ALMS1: variants seen among roughly 807,000 people sequenced by gnomAD.
ALMS1 encodes ALMS1 centrosome and basal body associated protein, also known as centrosome-associated protein ALMS1.
ALMS1 carries 271 observed loss-of-function variants against 352.2 expected under a neutral mutation model. The ratio of observed to expected loss-of-function variants is 0.77; its 90% CI spans 0.70 to 0.85. The LOEUF (loss-of-function observed/expected upper bound fraction) is 0.85, where lower values mean the gene tolerates loss of function less well. Among genes scored for constraint, ALMS1 ranks in the 40% least tolerant of loss-of-function variants. The pLI is 0.00. For missense variants in ALMS1, 5,445 were observed against 4,870.7 expected (o/e 1.12, Z -3.51); for synonymous variants, 1,865 against 1,761.2 (o/e 1.06, Z -1.48).
Position 73,491,202 on chromosome 2 carries a change from T to A in ALMS1, c.9243T>A (p.Ser3081Arg). Residue 3081 changes from serine to arginine, a missense_variant, in exon 10 of 23, where the codon AGT becomes AGA. By Grantham distance (110) the Ser-to-Arg change is moderately radical. Transcript: ENST00000613296. ...CTGCTTCTAAAGCGAGGATGAATAG[T>A]GAGTTTAACTTTGACTTACATACTG... Reference protein sequence around the residue: ...LDAASKARMNSEFNFDLHTVS... With the variant: ...LDAASKARMNREFNFDLHTVS... The A allele has an allele frequency of 6.2e-7, 1 of 1,614,170 alleles. No individual in the cohort carries two copies. Among genetic ancestry groups the A allele is most frequent in the Non-Finnish European group, 8.5e-7 (1 of 1,180,016 alleles).
intron 13 of ALMS1, among the ~76,000 whole-genome samples, chr2:73,555,087 T>C (rs569875831): frequency 2.2e-4 from 34 of 152,312 alleles, no homozygotes; most frequent in African/African-American, 7.2e-4. Context: ...CTAAATTAAA[T>C]GCATTGCTAC....
intron 3 of ALMS1, among the ~76,000 whole-genome samples, chr2:73,420,219 A>G (rs1558637526): frequency 6.6e-6 from 1 of 152,104 alleles, no homozygotes; most frequent in Non-Finnish European, 1.5e-5. Context: ...TATGTGTTTG[A>G]TGCTAGGGGT....
chr2:73,605,747 G>A (rs759997754), intron 21 of ALMS1, among the ~76,000 whole-genome samples: 3 of 152,058 alleles, frequency 2.0e-5, no homozygotes, highest in Non-Finnish European at 2.9e-5. Context: ...GGAGGCTGAG[G>A]CAGGAGAATT....
At chr2:73,534,264 A>G (rs1558684187) in intron 11 of ALMS1, among the ~76,000 whole-genome samples, 1 of 152,064 alleles carries the variant, frequency 6.6e-6, no homozygotes, top group Non-Finnish European at 1.5e-5. Context: ...ACGTTTATAT[A>G]TTTTCTTAAT....
In ALMS1 at chr2:73,449,970, G is replaced by C. The variant is rs2103778975; in HGVS notation, c.3443G>C (p.Arg1148Thr). ...TVTSTSYSQH[R>T]EKPSIFHQQA... ...ACCTCAACTTCCTACTCACAACATA[G>C]AGAAAAGCCCAGCATTTTCCACCAG... Residue 1148 changes from arginine to threonine, a missense_variant, in exon 8 of 23, where the codon AGA becomes ACA. Coordinates refer to ENST00000613296, the MANE Select transcript of ALMS1 (RefSeq NM_001378454.1). The C allele has an allele frequency of 2.5e-6, 4 of 1,613,656 alleles. No homozygotes were observed. The highest frequency in any genetic ancestry group is 3.4e-6 in the Non-Finnish European group (4 of 1,179,870).
At chr2:73,566,636 A>G (rs1674806555) in intron 15 of ALMS1, among the ~76,000 whole-genome samples, 1 of 152,248 alleles carries the variant, frequency 6.6e-6, no homozygotes, top group East Asian at 1.9e-4. Flanking sequence ...ATTCACACCT[A>G]ATGTGTGGGG....
At chr2:73,464,284 G>T (rs1558656129) in intron 9 of ALMS1, among the ~76,000 whole-genome samples, 1 of 152,170 alleles carries the variant, frequency 6.6e-6, no homozygotes, top group Non-Finnish European at 1.5e-5. Context: ...TGCAAGGCTG[G>T]TTCAACATAT....
At chr2:73,548,721 C>T (rs1674369430) in intron 12 of ALMS1, among the ~76,000 whole-genome samples, 2 of 152,146 alleles carry the variant, frequency 1.3e-5, no homozygotes. Flanking sequence ...TAAGAGCTAG[C>T]CGTGTCCCTG....
At chr2:73,445,428 A>G (rs1379301639) in intron 7 of ALMS1, among the ~76,000 whole-genome samples, 1 of 152,150 alleles carries the variant, frequency 6.6e-6, no homozygotes, top group Non-Finnish European at 1.5e-5. Flanking sequence ...ACTGAATTAG[A>G]GGGCTCAAAA....
At chr2:73,526,777 A>G (rs1440122410) in intron 11 of ALMS1, among the ~76,000 whole-genome samples, 1 of 152,046 alleles carries the variant, frequency 6.6e-6, no homozygotes, top group Non-Finnish European at 1.5e-5. Flanking sequence ...CTCTTGTCTG[A>G]TTGCTCGAGC....
At chr2:73,444,977 A>G (rs1261490447) in intron 7 of ALMS1, among the ~76,000 whole-genome samples, 3 of 152,184 alleles carry the variant, frequency 2.0e-5, no homozygotes, top group Non-Finnish European at 4.4e-5. Flanking sequence ...AAGAATAACA[A>G]CAATGAAGAC....
intron 16 of ALMS1, among the ~76,000 whole-genome samples, chr2:73,595,421 T>C (rs1364035971): frequency 6.6e-6 from 1 of 152,186 alleles, no homozygotes; most frequent in African/African-American, 2.4e-5. Flanking sequence ...TGCATCTGCC[T>C]TTTTTTGTTA....
At chr2:73,459,675 T>A (rs1672145717) in intron 9 of ALMS1, among the ~76,000 whole-genome samples, 1 of 152,194 alleles carries the variant, frequency 6.6e-6, no homozygotes, top group Non-Finnish European at 1.5e-5. Flanking sequence ...TTTAAGCTGG[T>A]TCCTGTGTGT....
chr2:73,385,829 CCT>C, upstream of ALMS1: 2 of 443,974 alleles, frequency 4.5e-6, no homozygotes, highest in Non-Finnish European at 4.2e-6. Flanking sequence ...TCCCTCCCCC[CCT>C]CCTCCTCCTC....
At chr2:73,492,399 T>C (rs1043581661) in intron 10 of ALMS1, among the ~76,000 whole-genome samples, 1 of 152,226 alleles carries the variant, frequency 6.6e-6, no homozygotes. Flanking sequence ...TGATGATATC[T>C]CTATTTTCCT....
chr2:73,422,947 A>G lies in ALMS1; in HGVS notation c.737A>G (p.Gln246Arg), dbSNP rs779584471. Residue 246 changes from glutamine (Q) to arginine (R), a missense_variant, in exon 4 of 23, where the codon CAA (glutamine) becomes CGA (arginine). Transcript: ENST00000613296. ...QEFAPDSLFH[Q>R]SELSFAPLRG... ...TTTGCGCCTGATTCTTTATTTCATC[A>G]AAGTGAACTAAGTTTTGCACCTCTG... is the stretch of plus-strand genomic sequence containing the variant. 1 of 1,613,152 alleles carries G rather than the reference A, an allele frequency of 6.2e-7. No individual in the cohort carries two copies. Among genetic ancestry groups the G allele is most frequent in the South Asian group, 1.1e-5 (1 of 91,066 alleles).
At chr2:73,416,868 C>A (rs1194388444) in intron 2 of ALMS1, among the ~76,000 whole-genome samples, 1 of 152,116 alleles carries the variant, frequency 6.6e-6, no homozygotes, top group African/African-American at 2.4e-5. Flanking sequence ...GAGGCCAAGA[C>A]AGGGGAATCG....
intron 16 of ALMS1, among the ~76,000 whole-genome samples, chr2:73,589,709 A>G (rs963498745): frequency 2.6e-5 from 4 of 152,200 alleles, no homozygotes; most frequent in Non-Finnish European, 4.4e-5. Context: ...TAATCACATA[A>G]TGCTCCATGG....
chr2:73,404,439 G>A (rs1558631881), intron 1 of ALMS1, among the ~76,000 whole-genome samples: 1 of 151,358 alleles, frequency 6.6e-6, no homozygotes, highest in Admixed American at 6.6e-5. Context: ...TTATGTTGAG[G>A]TAGTTTTCTT....
Sources: allele counts gnomAD v4.1 joint callset (sites outside exome capture counted in the v4.1 genomes callset), GRCh38; gene constraint gnomAD v4.1.1; transcripts MANE v1.5; gene names NCBI Gene and HGNC (gene_info 2026-07-23, HGNC 2026-07-21).